Variants in NTM observed in about 807,000 individuals in gnomAD.
NTM encodes neurotrimin.
In NTM, 13 loss-of-function variants were observed where a neutral mutation model predicts 42.1. That is an observed-to-expected ratio of 0.31 (90% CI 0.20 to 0.49). NTM has a LOEUF of 0.49. Among genes scored for constraint, NTM ranks in the 20% least tolerant of loss-of-function variants. NTM has a pLI of 0.99. For missense variants in NTM, 373 were observed against 452.8 expected, an observed-to-expected ratio of 0.82 and a Z score of 1.60; for synonymous variants, 187 against 179.2, an observed-to-expected ratio of 1.04 and a Z score of -0.35.
chr11:132,221,033 G>C (rs2335467), intron 4 of NTM, among the ~76,000 whole-genome samples: 1 of 151,904 alleles, frequency 6.6e-6, no homozygotes, highest in African/African-American at 2.4e-5. Flanking sequence ...AAAGGCTTGG[G>C]GAGTTTCTTG....
At chr11:132,079,897 G>C (rs2058817666) in intron 2 of NTM, among the ~76,000 whole-genome samples, 1 of 152,126 alleles carries the variant, frequency 6.6e-6, no homozygotes, top group African/African-American at 2.4e-5. Flanking sequence ...TCCTTTGCTT[G>C]AACTGTTCAT....
At position 131,707,793 on chromosome 11, in the gene NTM, C is replaced by T. The variant is rs574379213; in HGVS notation, c.83-203771C>T. ...ATGTACTTCAACATAATAAAGGTGA[C>T]AAGTCCATAGCTAACATCATACTCA... On this transcript the variant is annotated intron_variant, in intron 1 of 8. Coordinates refer to ENST00000683400, the MANE Select transcript of NTM (RefSeq NM_001352005.2). 5.6e-4 allele frequency among the ~76,000 whole-genome samples: 85 copies of T among 152,172 alleles called. 1 individual carries two copies. Among genetic ancestry groups the T allele is most frequent in the Admixed American group, 3.9e-4 (6 of 15,282 alleles).
intron 1 of NTM, among the ~76,000 whole-genome samples, chr11:131,404,359 T>A (rs946946303): frequency 6.6e-6 from 1 of 152,196 alleles, no homozygotes; most frequent in Non-Finnish European, 1.5e-5. Context: ...AAATTGTTCC[T>A]CTTGGCCTCC....
rs537939987 is a variant in NTM, at chr11:132,311,522, G to A, written c.782+1290G>A. On this transcript the variant is annotated intron_variant, in intron 6 of 8. Coordinates refer to ENST00000683400, the MANE Select transcript of NTM (RefSeq NM_001352005.2). ...AAAGAAGAATCAAGCAGACTGGAGCGTGTTTTTCTGATAAATATGGTTTCC... is the reference window on the plus strand; with the variant it reads ...AAAGAAGAATCAAGCAGACTGGAGCATGTTTTTCTGATAAATATGGTTTCC... 5.3e-5 allele frequency among the ~76,000 whole-genome samples: 8 copies of A among 152,180 alleles called. No homozygotes were observed. The East Asian group carries it at 7.7e-4, about 15-fold the overall frequency.
intron 2 of NTM, among the ~76,000 whole-genome samples, chr11:132,008,616 A>G (rs1379663286): frequency 6.6e-6 from 1 of 151,852 alleles, no homozygotes; most frequent in African/African-American, 2.4e-5. Context: ...CTGTCTGTGA[A>G]TCTTATACCT....
intron 2 of NTM, among the ~76,000 whole-genome samples, chr11:132,059,587 A>G (rs527983936): frequency 7.9e-5 from 12 of 152,240 alleles, no homozygotes; most frequent in Admixed American, 7.9e-4. Flanking sequence ...TAGCAGTCCT[A>G]TAAATTGAGA....
chr11:132,052,873 T>A lies in NTM; in HGVS notation c.168-93409T>A, dbSNP rs150115104. On this transcript the variant is annotated intron_variant, in intron 2 of 8. Coordinates refer to ENST00000683400, the MANE Select transcript of NTM (RefSeq NM_001352005.2). ...TTCTCAATTATGTCAAAGCTCCCCA[T>A]AAGTAAAAGAAGGAATCCCTGGATT... Among the ~76,000 whole-genome samples, 18 of 152,116 alleles carry A rather than the reference T, an allele frequency of 1.2e-4. No individual in the cohort carries two copies. The South Asian group carries it at 1.2e-3, about 11-fold the overall frequency.
chr11:132,081,649 G>A (rs572534903), intron 2 of NTM, among the ~76,000 whole-genome samples: 83 of 151,562 alleles, frequency 5.5e-4, no homozygotes, highest in South Asian at 2.1e-3. Context: ...GGAGAATGGC[G>A]TGAACCCGGG....
intron 2 of NTM, among the ~76,000 whole-genome samples, chr11:131,913,371 G>C (rs12574446): frequency 0.073 from 11,156 of 151,976 alleles, 463 homozygotes; most frequent in East Asian, 0.12. Context: ...TAGCTCTGTA[G>C]AGACTTGAAG....
intron 3 of NTM, among the ~76,000 whole-genome samples, chr11:132,182,401 A>G (rs140568606): frequency 6.6e-6 from 1 of 152,250 alleles, no homozygotes; most frequent in East Asian, 1.9e-4. Context: ...GATCATGCTC[A>G]CTCATTGTGC....
At chr11:132,185,303 A>G (rs1276109327) in intron 3 of NTM, among the ~76,000 whole-genome samples, 1 of 152,146 alleles carries the variant, frequency 6.6e-6, no homozygotes, top group Non-Finnish European at 1.5e-5. Context: ...TTATGCACAC[A>G]TTTTCTTGAG....
At chr11:132,155,572 C>G (rs1489778658) in intron 3 of NTM, among the ~76,000 whole-genome samples, 1 of 152,308 alleles carries the variant, frequency 6.6e-6, no homozygotes, top group Middle Eastern at 3.4e-3. Flanking sequence ...GGCCTTCTGA[C>G]CTGGTGCTCT....
chr11:131,963,218 T>A (rs2062424211), intron 2 of NTM, among the ~76,000 whole-genome samples: 2 of 152,120 alleles, frequency 1.3e-5, no homozygotes, highest in South Asian at 4.1e-4. Flanking sequence ...CAGCTCGCCA[T>A]GCTCCCCAAG....
intron 3 of NTM, among the ~76,000 whole-genome samples, chr11:132,171,930 C>G (rs1364940106): frequency 6.6e-6 from 1 of 152,178 alleles, no homozygotes; most frequent in Non-Finnish European, 1.5e-5. Flanking sequence ...CTATGGTGGT[C>G]TCTTCAATCT....
intron 1 of NTM, among the ~76,000 whole-genome samples, chr11:131,443,320 A>C (rs1949773735): frequency 6.6e-6 from 1 of 152,128 alleles, no homozygotes; most frequent in Non-Finnish European, 1.5e-5. Flanking sequence ...GGGAAAGAAG[A>C]AGCTTGTCTT....
chr11:132,193,113 A>T (rs1023189276), intron 3 of NTM, among the ~76,000 whole-genome samples: 1 of 152,192 alleles, frequency 6.6e-6, no homozygotes, highest in Non-Finnish European at 1.5e-5. Context: ...TATCTAACAA[A>T]GATACACTGA....
chr11:132,166,992 T>C (rs1420862483), intron 3 of NTM, among the ~76,000 whole-genome samples: 1 of 152,238 alleles, frequency 6.6e-6, no homozygotes, highest in Non-Finnish European at 1.5e-5. Flanking sequence ...CTCCCACTCA[T>C]GCAGTTAGAC....
At chr11:131,420,907 C>T (rs1383717266) in intron 1 of NTM, among the ~76,000 whole-genome samples, 2 of 152,090 alleles carry the variant, frequency 1.3e-5, no homozygotes, top group Admixed American at 6.5e-5. Context: ...GATGTAATGC[C>T]TCCTCTGCTT....
chr11:131,760,686 G>A (rs1158840911), intron 1 of NTM, among the ~76,000 whole-genome samples: 2 of 152,130 alleles, frequency 1.3e-5, no homozygotes, highest in Non-Finnish European at 2.9e-5. Context: ...GGGAGGGGCC[G>A]GGGTTCCATC....
Sources: allele counts gnomAD v4.1 joint callset (sites outside exome capture counted in the v4.1 genomes callset), GRCh38; gene constraint gnomAD v4.1.1; transcripts MANE v1.5; gene names NCBI Gene and HGNC (gene_info 2026-07-23, HGNC 2026-07-21).